The following ANO1 variants were observed in gnomAD, a reference collection of about 807,000 sequenced individuals.
ANO1 encodes anoctamin-1.
In ANO1, 59 loss-of-function variants were observed where a neutral mutation model predicts 124.0. That is an observed-to-expected ratio of 0.48 (90% CI 0.39 to 0.59). The LOEUF is 0.59. Ranked by LOEUF, ANO1 falls within the 20% of genes least tolerant of loss-of-function variation. The probability of loss-of-function intolerance (pLI) is 0.00; values close to 1 mark genes in which losing one functional copy is unlikely to be tolerated. For missense variants in ANO1, 1,059 were observed against 1,328.0 expected (o/e 0.80, Z 3.15); for synonymous variants, 529 against 532.0 (o/e 0.99, Z 0.08).
chr11:69,986,971 C>T (rs138246076), intron 1 of ANO1, among the ~76,000 whole-genome samples: 2,382 of 152,272 alleles, frequency 0.016, 31 homozygotes, highest in Non-Finnish European at 0.028. Flanking sequence ...ATGCCACCGC[C>T]AACCCGGGAC....
At chr11:70,081,682 C>T (rs967504235) in intron 1 of ANO1, among the ~76,000 whole-genome samples, 13 of 152,298 alleles carry the variant, frequency 8.5e-5, no homozygotes, top group Admixed American at 7.2e-4. Context: ...CGGAAGAAAC[C>T]AGAGCCCAGA....
intron 1 of ANO1, among the ~76,000 whole-genome samples, chr11:69,987,482 G>A (rs1300340972): frequency 6.6e-6 from 1 of 152,090 alleles, no homozygotes; most frequent in African/African-American, 2.4e-5. Context: ...ACCAAGATTA[G>A]AACGGAGGCC....
chr11:70,066,345 C>T (rs1435092146), intron 1 of ANO1, among the ~76,000 whole-genome samples: 3 of 152,116 alleles, frequency 2.0e-5, no homozygotes, highest in Admixed American at 6.5e-5. Context: ...GTTTGGGGCC[C>T]ACTCTTAACA....
rs34756275 is a variant in ANO1, at chr11:70,149,649, T to TAA, written c.1259-46_1259-45dup. On this transcript the variant is annotated intron_variant, in intron 11 of 25. Coordinates refer to ENST00000355303, the MANE Select transcript of ANO1 (RefSeq NM_018043.7). ...TGGGCAACAAGAGCAAAACTCTGTC[T>TAA]AAAAAAAAAAAAAAAATGCCTTTAT... 6,355 of 1,374,126 alleles carry TAA rather than the reference T, an allele frequency of 4.6e-3. 7 individuals are homozygous for TAA. The highest frequency in any genetic ancestry group is 0.019 in the African/African-American group (1,207 of 65,238). The allele number at this position is 1,374,126 out of a possible 1,614,324, so 85.1% of individuals were successfully genotyped here.
chr11:69,997,778 G>T (rs535014121), intron 1 of ANO1, among the ~76,000 whole-genome samples: 15 of 152,232 alleles, frequency 9.9e-5, no homozygotes, highest in Non-Finnish European at 2.1e-4. Context: ...TTAAAAGTGT[G>T]TCATACTTCA....
At chr11:70,020,076 C>T (rs1016362560) in intron 1 of ANO1, among the ~76,000 whole-genome samples, 5 of 152,166 alleles carry the variant, frequency 3.3e-5, no homozygotes, top group Non-Finnish European at 5.9e-5. Flanking sequence ...GGTGGGCGGG[C>T]GCTAGGTGAT....
At chr11:70,020,582 T>C (rs1258700991) in intron 1 of ANO1, among the ~76,000 whole-genome samples, 3 of 152,162 alleles carry the variant, frequency 2.0e-5, no homozygotes, top group African/African-American at 4.8e-5. Context: ...AGACGGGTAT[T>C]TGTCCCCACC....
At chr11:70,126,289 A>C in intron 10 of ANO1, 94 bp downstream of exon 10, 1 of 1,441,766 alleles carries the variant, frequency 6.9e-7, no homozygotes, top group Non-Finnish European at 9.3e-7. Context: ...CTGGCCTCTC[A>C]CACCAATTCC....
chr11:70,140,887 G>C (rs1289783197), intron 11 of ANO1, among the ~76,000 whole-genome samples: 2 of 152,084 alleles, frequency 1.3e-5, no homozygotes, highest in Non-Finnish European at 2.9e-5. Flanking sequence ...CTAGAGGCTG[G>C]GAATGCCTCA....
At chr11:70,007,733 C>T (rs1298336309) in intron 1 of ANO1, among the ~76,000 whole-genome samples, 1 of 152,194 alleles carries the variant, frequency 6.6e-6, no homozygotes, top group African/African-American at 2.4e-5. Flanking sequence ...GCAGATGCCT[C>T]TTTGGGATCC....
chr11:70,052,809 C>A (rs1857374425), intron 1 of ANO1, among the ~76,000 whole-genome samples: 1 of 151,918 alleles, frequency 6.6e-6, no homozygotes, highest in Non-Finnish European at 1.5e-5. Context: ...CCCATCTTGG[C>A]CTCCCAAAGT....
chr11:70,161,933 T>C (rs2048059085), intron 18 of ANO1, among the ~76,000 whole-genome samples, 200 bp downstream of exon 18: 1 of 151,446 alleles, frequency 6.6e-6, no homozygotes, highest in African/African-American at 2.4e-5. Context: ...GGAGTCCAGG[T>C]GGCAGGGAAC....
intron 1 of ANO1, among the ~76,000 whole-genome samples, chr11:70,023,056 T>C (rs1034458046): frequency 9.9e-5 from 15 of 152,206 alleles, no homozygotes; most frequent in Admixed American, 8.5e-4. Context: ...AAGCTCTCCC[T>C]GGAACCTCCA....
intron 1 of ANO1, among the ~76,000 whole-genome samples, chr11:70,058,670 C>G (rs1322861275): frequency 6.6e-6 from 1 of 152,170 alleles, no homozygotes; most frequent in Non-Finnish European, 1.5e-5. Flanking sequence ...GGGCTGTACC[C>G]TGTAGCATCT....
At chr11:70,104,865 G>A (rs527356287) in intron 4 of ANO1, among the ~76,000 whole-genome samples, 3 of 152,268 alleles carry the variant, frequency 2.0e-5, no homozygotes, top group Admixed American at 6.5e-5. Flanking sequence ...CAGGGAGGAC[G>A]AACAGGTGCC....
upstream of ANO1, chr11:70,075,187 G>T (rs557410371): frequency 6.6e-6 from 1 of 152,130 alleles, no homozygotes; most frequent in Non-Finnish European, 1.5e-5. Flanking sequence ...AGCTTGGCCC[G>T]TGCTCTGAGG....
At chr11:70,007,353 G>A (rs1160351702) in intron 1 of ANO1, among the ~76,000 whole-genome samples, 7 of 146,744 alleles carry the variant, frequency 4.8e-5, no homozygotes, top group South Asian at 2.2e-4. Context: ...CTCAGCTCAC[G>A]GCAAGCTCCG....
At chr11:70,038,221 T>C (rs994360627) in intron 1 of ANO1, among the ~76,000 whole-genome samples, 1 of 152,230 alleles carries the variant, frequency 6.6e-6, no homozygotes, top group Non-Finnish European at 1.5e-5. Context: ...CAGACCATAG[T>C]GCATGCCATT....
chr11:70,099,274 A>G (rs1427166369), intron 2 of ANO1, among the ~76,000 whole-genome samples: 6 of 152,104 alleles, frequency 3.9e-5, no homozygotes, highest in Admixed American at 3.9e-4. Flanking sequence ...ACCATGCTTT[A>G]AAACATCCCA....
Sources: allele counts gnomAD v4.1 joint callset (sites outside exome capture counted in the v4.1 genomes callset), GRCh38; gene constraint gnomAD v4.1.1; transcripts MANE v1.5; gene names NCBI Gene and HGNC (gene_info 2026-07-23, HGNC 2026-07-21).